The following GIGYF2 variants were observed in gnomAD, a reference collection of about 807,000 sequenced individuals.
GIGYF2 encodes GRB10-interacting GYF protein 2.
A neutral mutation model predicts 208.1 loss-of-function variants in GIGYF2; 25 were observed. The observed-to-expected ratio is 0.12, with a 90% CI of 0.09 to 0.17. The LOEUF is 0.17. GIGYF2 is among the 10% of genes least tolerant of loss of function. The pLI, the probability that GIGYF2 is intolerant of heterozygous loss-of-function variation, is 1.00. For synonymous variants in GIGYF2, 534 were observed against 543.8 expected (o/e 0.98, Z 0.25); for missense variants, 1,302 against 1,579.4 (o/e 0.82, Z 2.98).
rs570144736 is a variant in GIGYF2, at chr2:232,820,606, G to T, written c.2529+621G>T. ...TGGGATTACAGGCATGAGCTGCTGT[G>T]CCCGGCCATCACCCAGCAATAATTT... is the stretch of plus-strand genomic sequence containing the variant. On this transcript the variant is annotated intron_variant, in intron 21 of 28. Transcript: ENST00000373563. Among the ~76,000 whole-genome samples the T allele has an allele frequency of 9.9e-5, 15 of 151,490 alleles. No homozygotes were observed. In the South Asian group the frequency reaches 3.1e-3, roughly 32 times the overall value.
intron 1 of GIGYF2, chr2:232,700,625 T>A (rs1339703785): frequency 2.0e-5 from 3 of 152,222 alleles, no homozygotes; most frequent in Non-Finnish European, 2.9e-5. Flanking sequence ...ATCTACAGCC[T>A]ATGTTGGTGT....
chr2:232,839,996 C>T, intron 23 of GIGYF2, 25 bp downstream of exon 23: 2 of 1,609,704 alleles, frequency 1.2e-6, no homozygotes, highest in Non-Finnish European at 8.5e-7. Context: ...TAAAAGGGAT[C>T]TAGTCAAGCG....
At chr2:232,736,795 AC>A (rs917252061) in intron 3 of GIGYF2, 2 of 152,084 alleles carry the variant, frequency 1.3e-5, no homozygotes. Context: ...ATATTTACAT[AC>A]CCTCATGTCT....
At chr2:232,726,540 A>G (rs1385512712) in intron 2 of GIGYF2, among the ~76,000 whole-genome samples, 2 of 152,130 alleles carry the variant, frequency 1.3e-5, no homozygotes, top group East Asian at 1.9e-4. Context: ...GAGGAGTTCA[A>G]GTCCAGCCTG....
At chr2:232,835,481 CCTG>C (rs1472089492) in intron 22 of GIGYF2, among the ~76,000 whole-genome samples, 4 of 152,058 alleles carry the variant, frequency 2.6e-5, no homozygotes. Flanking sequence ...GTTTTTGTTG[CCTG>C]CTTTTTTCCC....
intron 1 of GIGYF2, among the ~76,000 whole-genome samples, chr2:232,700,136 A>T (rs149562180): frequency 1.3e-5 from 2 of 152,348 alleles, no homozygotes; most frequent in African/African-American, 4.8e-5. Flanking sequence ...GGTTTGCCTC[A>T]AAATCATGAG....
intron 6 of GIGYF2, among the ~76,000 whole-genome samples, chr2:232,758,408 T>C (rs867239882): frequency 6.6e-6 from 1 of 152,236 alleles, no homozygotes; most frequent in Non-Finnish European, 1.5e-5. Context: ...AGCTCTCAAC[T>C]ATTGTCTTCA....
chr2:232,751,857 TGTTGGTTAACTGCAGTTAACCAGTAATA>T (rs1441426567), intron 5 of GIGYF2, among the ~76,000 whole-genome samples: 2 of 152,242 alleles, frequency 1.3e-5, no homozygotes, highest in African/African-American at 4.8e-5. Context: ...GCTTGGGATC[TGTTGGTTAACTGCAGTTAACCAGTAATA>T]GTTGGTTAAC....
chr2:232,802,400 G>A (rs1486192295), intron 14 of GIGYF2, among the ~76,000 whole-genome samples: 1 of 151,994 alleles, frequency 6.6e-6, no homozygotes, highest in African/African-American at 2.4e-5. Context: ...TTTTATATAT[G>A]ACTTTTATTA....
intron 8 of GIGYF2, among the ~76,000 whole-genome samples, chr2:232,784,468 CA>C (rs1699840740): frequency 7.3e-6 from 1 of 136,822 alleles, no homozygotes; most frequent in Non-Finnish European, 1.5e-5. Flanking sequence ...GGGCTCACTG[CA>C]AGCTCCACCT....
At chr2:232,759,282 T>C (rs1199402943) in intron 6 of GIGYF2, among the ~76,000 whole-genome samples, 1 of 152,180 alleles carries the variant, frequency 6.6e-6, no homozygotes, top group African/African-American at 2.4e-5. Flanking sequence ...TGGGTCATTG[T>C]GCACTGTGAG....
chr2:232,787,087 T>C, intron 8 of GIGYF2, 63 bp from the exon 9 acceptor site: 1 of 1,211,062 alleles, frequency 8.3e-7, no homozygotes, highest in South Asian at 1.2e-5. Context: ...AGCTGTGAAG[T>C]TTGTTTTCAA....
In GIGYF2 at chr2:232,761,433, G is replaced by T. The variant is rs1221130319; in HGVS notation, c.529G>T (p.Val177Leu). ...TTTTGAAAAACCAGGACGAAAAGAT[G>T]TAGGTAAGGTTCTTACCTACACACA... Reference protein sequence around the residue: ...RRFEKPGRKDVGRPNFEEGGP... With the variant: ...RRFEKPGRKDLGRPNFEEGGP... The change falls in exon 8 of 29, where the codon GTA (valine) becomes TTA (leucine). Residue 177 changes from valine (V) to leucine (L), a missense_variant. Coordinates refer to ENST00000373563, the MANE Select transcript of GIGYF2 (RefSeq NM_001103146.3). 1 of 1,589,984 alleles carries T rather than the reference G, an allele frequency of 6.3e-7. No homozygotes were observed. The highest frequency in any genetic ancestry group is 1.3e-5 in the African/African-American group (1 of 74,430).
chr2:232,766,013 G>A (rs1181639927), intron 8 of GIGYF2: 1 of 471,070 alleles, frequency 2.1e-6, no homozygotes, highest in African/African-American at 2.0e-5. Context: ...AGGCAGAGCA[G>A]CCATTCCTCC....
At chr2:232,710,078 G>T (rs1696316793) in intron 2 of GIGYF2, among the ~76,000 whole-genome samples, 1 of 151,928 alleles carries the variant, frequency 6.6e-6, no homozygotes, top group Admixed American at 6.6e-5. Context: ...TTCTGCCTCA[G>T]CCTCCAGAGT....
intron 2 of GIGYF2, among the ~76,000 whole-genome samples, chr2:232,730,559 C>G (rs948742912): frequency 1.4e-5 from 2 of 145,876 alleles, no homozygotes; most frequent in African/African-American, 5.1e-5. Flanking sequence ...GAGCCAAGAT[C>G]ATGCCACTGC....
rs552300756 is a variant in GIGYF2 at position 232,743,626 on chromosome 2, G to A, written c.42-3989G>A. On this transcript the variant is annotated intron_variant, in intron 3 of 28. Transcript: ENST00000373563. Reference sequence around the variant, plus strand: ...CCTTCTTTGTGTTCATGAGTTCTCAGGTGGATTTTTAGTGAAGAATATTAC... The same window carrying A: ...CCTTCTTTGTGTTCATGAGTTCTCAAGTGGATTTTTAGTGAAGAATATTAC... Among the ~76,000 whole-genome samples, 8 of 152,202 alleles carry A rather than the reference G, an allele frequency of 5.3e-5. No homozygotes were observed. In the South Asian group the frequency reaches 1.7e-3, roughly 32 times the overall value.
In GIGYF2 at chr2:232,788,809, A is replaced by G. The variant is rs151241279; in HGVS notation, c.712+1480A>G. 3.9e-3 allele frequency among the ~76,000 whole-genome samples: 587 copies of G among 152,192 alleles called. 7 individuals carry two copies. The highest frequency in any genetic ancestry group is 0.014 in the Middle Eastern group (4 of 294). On this transcript the variant is annotated intron_variant, in intron 9 of 28. Coordinates refer to ENST00000373563, the MANE Select transcript of GIGYF2 (RefSeq NM_001103146.3). ...GTATCTTCCAGAACTTTTAATCCAT[A>G]TACATATATATTTTTTCAGTCACAC...
chr2:232,820,130 C>T, intron 21 of GIGYF2, 145 bp downstream of exon 21: 1 of 759,218 alleles, frequency 1.3e-6, no homozygotes. Context: ...GCTCTTATTA[C>T]TTCTGTCTAA....
Sources: gnomAD v4.1 joint callset for allele counts (sites outside exome capture counted in the v4.1 genomes callset) on GRCh38, gnomAD v4.1.1 for gene constraint, MANE v1.5 for transcripts, NCBI Gene and HGNC (gene_info 2026-07-23, HGNC 2026-07-21) for gene names.